Variants in HS6ST3 observed in about 807,000 individuals in gnomAD.
HS6ST3 encodes the protein heparan-sulfate 6-O-sulfotransferase 3.
A neutral mutation model predicts 36.7 loss-of-function variants in HS6ST3; 12 were observed. The ratio of observed to expected loss-of-function variants is 0.33; its 90% CI spans 0.21 to 0.53. The LOEUF (loss-of-function observed/expected upper bound fraction) is 0.53, where lower values mean the gene tolerates loss of function less well. HS6ST3 is among the 20% of genes least tolerant of loss of function. HS6ST3 has a pLI of 0.95. For missense variants in HS6ST3, 584 were observed against 640.9 expected (o/e 0.91, Z 0.96); for synonymous variants, 240 against 257.5 (o/e 0.93, Z 0.65).
intron 1 of HS6ST3, among the ~76,000 whole-genome samples, chr13:96,241,930 C>T (rs1285550767): frequency 1.3e-5 from 2 of 151,272 alleles, no homozygotes; most frequent in African/African-American, 2.4e-5. Flanking sequence ...GGACCACAGG[C>T]GTCCACCACC....
chr13:96,506,217 A>G (rs1202687784), intron 1 of HS6ST3, among the ~76,000 whole-genome samples: 1 of 152,186 alleles, frequency 6.6e-6, no homozygotes, highest in Admixed American at 6.6e-5. Flanking sequence ...TTGGATTAAC[A>G]GAGAACTTTT....
At chr13:96,667,982 G>A (rs2056669730) in intron 1 of HS6ST3, among the ~76,000 whole-genome samples, 1 of 152,138 alleles carries the variant, frequency 6.6e-6, no homozygotes, top group Non-Finnish European at 1.5e-5. Flanking sequence ...AGCACCTACT[G>A]TTTTTGTTTT....
At chr13:96,670,816 C>T (rs1248970380) in intron 1 of HS6ST3, among the ~76,000 whole-genome samples, 5 of 152,100 alleles carry the variant, frequency 3.3e-5, no homozygotes, top group Admixed American at 2.0e-4. Context: ...CAATGACTGG[C>T]CAACAGAGAT....
At chr13:96,770,879 G>A (rs575256462) in intron 1 of HS6ST3, among the ~76,000 whole-genome samples, 8 of 152,304 alleles carry the variant, frequency 5.3e-5, no homozygotes, top group African/African-American at 1.9e-4. Context: ...TGTCACCGTT[G>A]TAAGGTAGTT....
At chr13:96,136,564 C>T (rs1313465048) in intron 1 of HS6ST3, among the ~76,000 whole-genome samples, 20 of 151,856 alleles carry the variant, frequency 1.3e-4, no homozygotes, top group Admixed American at 1.3e-3. Context: ...CGCCGTGAAC[C>T]AGTCGCCTCC....
rs189310457 is a variant in HS6ST3 at position 96,801,061 on chromosome 13, T to C, written c.708-31429T>C. On this transcript the variant is annotated intron_variant, in intron 1 of 1. Transcript: ENST00000376705. Reference sequence around the variant, plus strand: ...CCGTAGGTTCTCTTCCTTGTTCTTATGTCATTTGGTCTTTTAGCAGCATTT... The same window carrying C: ...CCGTAGGTTCTCTTCCTTGTTCTTACGTCATTTGGTCTTTTAGCAGCATTT... 2.8e-3 allele frequency among the ~76,000 whole-genome samples: 430 copies of C among 152,224 alleles called. 1 individual carries two copies. The highest frequency in any genetic ancestry group is 4.5e-3 in the Non-Finnish European group (306 of 67,992).
chr13:96,623,897 T>G (rs2056503620), intron 1 of HS6ST3, among the ~76,000 whole-genome samples: 1 of 152,200 alleles, frequency 6.6e-6, no homozygotes, highest in Non-Finnish European at 1.5e-5. Context: ...AAGCGTTTAT[T>G]TATTGCCTGT....
In HS6ST3 at chr13:96,792,436, T is replaced by A. The variant is rs1877813103; in HGVS notation, c.708-40054T>A. On this transcript the variant is annotated intron_variant, in intron 1 of 1. Transcript: ENST00000376705. ...ACACGTCCTATTTTTCTCACCATAG[T>A]CTTCAACTTCTCTGTGGTTGCCCTT... 2.6e-5 allele frequency among the ~76,000 whole-genome samples: 4 copies of A among 151,950 alleles called. No homozygotes were observed. In the South Asian group the frequency reaches 8.3e-4, roughly 32 times the overall value.
chr13:96,127,378 A>C lies in HS6ST3; in HGVS notation c.707+35809A>C, dbSNP rs75900700. Among the ~76,000 whole-genome samples, 69 of 152,326 alleles carry C rather than the reference A, an allele frequency of 4.5e-4. 1 individual carries two copies. The East Asian group carries it at 0.012, about 26-fold the overall frequency. On this transcript the variant is annotated intron_variant, in intron 1 of 1. Coordinates refer to ENST00000376705, the MANE Select transcript of HS6ST3 (RefSeq NM_153456.4). ...CAGGCATTAGATTTTCATAATGAGC[A>C]TCTAACCTTGATTTCTTGCATGTGC...
chr13:96,780,239 A>G, intron 1 of HS6ST3, among the ~76,000 whole-genome samples: 1 of 152,216 alleles, frequency 6.6e-6, no homozygotes, highest in East Asian at 1.9e-4. Flanking sequence ...GCACCTATAG[A>G]AAGCAGTAGT....
intron 1 of HS6ST3, among the ~76,000 whole-genome samples, chr13:96,432,078 A>G (rs1341970703): frequency 6.6e-6 from 1 of 152,142 alleles, no homozygotes; most frequent in Non-Finnish European, 1.5e-5. Context: ...TTCCCAGAAC[A>G]AAGTATGGAA....
rs146571605 is a variant in HS6ST3, at chr13:96,598,051, G to T, written c.708-234439G>T. The stretch of plus-strand genomic sequence containing the variant: ...TCTCTGTGTCTGCTTTTATACCAGT[G>T]CCATGCTGTTTTCATTACCATAACC... On this transcript the variant is annotated intron_variant, in intron 1 of 1. Coordinates refer to ENST00000376705, the MANE Select transcript of HS6ST3 (RefSeq NM_153456.4). Among the ~76,000 whole-genome samples, 81 of 152,078 alleles carry T rather than the reference G, an allele frequency of 5.3e-4. No homozygotes were observed. In the East Asian group the frequency reaches 0.015, roughly 28 times the overall value.
chr13:96,120,762 A>G (rs1039914959), intron 1 of HS6ST3, among the ~76,000 whole-genome samples: 11 of 152,202 alleles, frequency 7.2e-5, no homozygotes, highest in Admixed American at 3.9e-4. Context: ...ATTTCTGTGT[A>G]TGGAGCTTGG....
At chr13:96,692,590 A>G (rs1451723810) in intron 1 of HS6ST3, among the ~76,000 whole-genome samples, 1 of 152,192 alleles carries the variant, frequency 6.6e-6, no homozygotes, top group Non-Finnish European at 1.5e-5. Context: ...AAGCCTGAAG[A>G]TGAAAATAAT....
At chr13:96,256,699 T>A (rs986131877) in intron 1 of HS6ST3, among the ~76,000 whole-genome samples, 16 of 152,088 alleles carry the variant, frequency 1.1e-4, no homozygotes, top group African/African-American at 3.9e-4. Context: ...AGATGAAGAG[T>A]CGTAAGGCAA....
chr13:96,317,350 A>ATATATATATATATAAAAT (rs2054977502), intron 1 of HS6ST3, among the ~76,000 whole-genome samples: 15 of 83,572 alleles, frequency 1.8e-4, no homozygotes, highest in South Asian at 1.4e-3. Context: ...ATATATATAT[A>ATATATATATATATAAAAT]TATATATATA....
intron 1 of HS6ST3, among the ~76,000 whole-genome samples, chr13:96,300,704 T>C (rs1594747058): frequency 6.6e-6 from 1 of 152,178 alleles, no homozygotes; most frequent in Non-Finnish European, 1.5e-5. Flanking sequence ...AAGGTAGACT[T>C]TATGTCTTTT....
chr13:96,654,754 T>C (rs2056618977), intron 1 of HS6ST3, among the ~76,000 whole-genome samples: 1 of 152,164 alleles, frequency 6.6e-6, no homozygotes, highest in African/African-American at 2.4e-5. Context: ...TTTAAACTAC[T>C]GCTTGTAAAA....
intron 1 of HS6ST3, among the ~76,000 whole-genome samples, chr13:96,521,904 G>T (rs1343952380): frequency 1.3e-5 from 2 of 152,010 alleles, no homozygotes; most frequent in African/African-American, 2.4e-5. Context: ...TTTTGAATTT[G>T]TTTGCTCTTG....
Sources: gnomAD v4.1 joint callset for allele counts (sites outside exome capture counted in the v4.1 genomes callset) on GRCh38, gnomAD v4.1.1 for gene constraint, MANE v1.5 for transcripts, NCBI Gene and HGNC (gene_info 2026-07-23, HGNC 2026-07-21) for gene names.